Variants in CDH15 observed in about 807,000 individuals in gnomAD.
The protein encoded by CDH15 is cadherin 15.
Under a neutral mutation model 69.4 loss-of-function variants are expected in CDH15, and 73 were observed. That is an observed-to-expected ratio of 1.05 (90% confidence interval 0.87 to 1.28). The LOEUF (loss-of-function observed/expected upper bound fraction) is 1.28. Among genes scored for constraint, CDH15 ranks in the 50% most tolerant of loss-of-function variants. The pLI, the probability that CDH15 is intolerant of heterozygous loss-of-function variation, is 0.00. For missense variants in CDH15, 1,343 were observed against 1,133.6 expected (o/e 1.18, Z -2.65); for synonymous variants, 624 against 507.7 (o/e 1.23, Z -3.08).
Position 89,188,003 on chromosome 16 carries a change from G to T in CDH15, c.793-97G>T, listed in dbSNP as rs879553739. On this transcript the variant is annotated intron_variant, in intron 6 of 13. Coordinates refer to ENST00000289746, the MANE Select transcript of CDH15 (RefSeq NM_004933.3). ...GGTGTTCCTGCTGGGAGGCAGGAGGGAGGGTGGGAGGGGAGGGTGGGCTGA... is the reference window on the plus strand; with the variant it reads ...GGTGTTCCTGCTGGGAGGCAGGAGGTAGGGTGGGAGGGGAGGGTGGGCTGA... The T allele has an allele frequency of 1.2e-3, 1,260 of 1,033,026 alleles. 4 individuals carry two copies. Among genetic ancestry groups the T allele is most frequent in the Non-Finnish European group, 1.7e-3 (1,161 of 696,206 alleles). 64.0% of individuals were successfully genotyped at this position (1,033,026 alleles called of 1,614,324 possible).
At position 89,193,496 on chromosome 16, in the gene CDH15, G is replaced by A; in HGVS notation, c.1882G>A (p.Ala628Thr). The part of the protein sequence containing the change: ...LVLVLLVALR[A>T]RFWKQSRGKG... The stretch of plus-strand genomic sequence containing the variant: ...GCTGGTCCTGCTCGTGGCACTCCGG[G>A]CGCGGTTCTGGAAGCAGTCTCGGGG... Residue 628 changes from alanine (A) to threonine (T), a missense_variant, in exon 12 of 14, where the codon GCG (alanine) becomes ACG (threonine). Coordinates refer to ENST00000289746, the MANE Select transcript of CDH15 (RefSeq NM_004933.3). The A allele has an allele frequency of 6.2e-7, 1 of 1,611,796 alleles. No individual in the cohort carries two copies. The highest frequency in any genetic ancestry group is 8.5e-7 in the Non-Finnish European group (1 of 1,179,704).
intron 1 of CDH15, among the ~76,000 whole-genome samples, chr16:89,173,302 G>A (rs1201943928): frequency 1.3e-5 from 2 of 152,216 alleles, no homozygotes; most frequent in South Asian, 2.1e-4. Flanking sequence ...GTGGTGGGGA[G>A]GCTGGCGCCT....
At chr16:89,175,600 A>G (rs549299805) in intron 1 of CDH15, among the ~76,000 whole-genome samples, 2 of 152,280 alleles carry the variant, frequency 1.3e-5, no homozygotes, top group Non-Finnish European at 2.9e-5. Context: ...CTGCCCAGCC[A>G]CGGCCGGAAA....
intron 7 of CDH15, among the ~76,000 whole-genome samples, chr16:89,188,991 ACCCACACACAGATG>A (rs1272116898): frequency 9.9e-6 from 1 of 100,674 alleles, no homozygotes; most frequent in African/African-American, 3.9e-5. Flanking sequence ...ACACACAGAC[ACCCACACACAGATG>A]CCCACACACA....
rs759601590 is a variant in CDH15, at chr16:89,185,327, C to T, written c.657C>T (p.Asp219=). The T allele has an allele frequency of 1.2e-5, 19 of 1,601,168 alleles. No homozygotes were observed. The highest frequency in any genetic ancestry group is 4.3e-6 in the Non-Finnish European group (5 of 1,174,216). ...GEIRTVQVGL[D]REVVAVYNLT... Reference sequence around the variant, plus strand: ...TCCGCACAGTGCAAGTGGGGCTGGACCGCGAGGTGAGGTGGCGCCCCGGCA... The same window carrying T: ...TCCGCACAGTGCAAGTGGGGCTGGATCGCGAGGTGAGGTGGCGCCCCGGCA... The change falls in exon 5 of 14, where the codon GAC becomes GAT. Residue 219 remains aspartate (D), a synonymous_variant. Transcript: ENST00000289746.
chr16:89,185,004 C>G (rs1408398448), intron 4 of CDH15, among the ~76,000 whole-genome samples, 169 bp from the exon 5 acceptor site: 2 of 152,252 alleles, frequency 1.3e-5, no homozygotes, highest in Non-Finnish European at 2.9e-5. Flanking sequence ...TTGCCGCATG[C>G]TGGCCGCCTC....
chr16:89,193,702 C>G (rs952513233), intron 12 of CDH15, 53 bp from the exon 13 acceptor site: 3 of 1,581,342 alleles, frequency 1.9e-6, no homozygotes, highest in Non-Finnish European at 2.6e-6. Context: ...CCTGAGACCT[C>G]CACCAGGGCC....
intron 1 of CDH15, among the ~76,000 whole-genome samples, chr16:89,175,578 G>A (rs990401835): frequency 2.0e-5 from 3 of 152,222 alleles, no homozygotes; most frequent in Non-Finnish European, 4.4e-5. Context: ...AGGGGGAGAG[G>A]GAGGTGCAAA....
At chr16:89,177,521 C>G (rs1915284074) in intron 1 of CDH15, among the ~76,000 whole-genome samples, 1 of 152,198 alleles carries the variant, frequency 6.6e-6, no homozygotes, top group East Asian at 1.9e-4. Flanking sequence ...GCCTGGCGAC[C>G]CCCAGGACTA....
intron 7 of CDH15, among the ~76,000 whole-genome samples, chr16:89,188,744 G>GCACACACAGATGCC (rs568495835): frequency 9.0e-5 from 8 of 88,732 alleles, no homozygotes; most frequent in East Asian, 3.8e-4. Flanking sequence ...ACAGATGCCG[G>GCACACACAGATGCC]CACACACAGA....
intron 1 of CDH15, among the ~76,000 whole-genome samples, chr16:89,178,243 G>A (rs77381391): frequency 1.4e-3 from 212 of 152,210 alleles, no homozygotes; most frequent in African/African-American, 4.8e-3. Flanking sequence ...GGTCTTTACC[G>A]GCCTGAGGGT....
At chr16:89,190,191 G>T in intron 7 of CDH15, 52 bp from the exon 8 acceptor site, 1 of 1,594,970 alleles carries the variant, frequency 6.3e-7, no homozygotes, top group Non-Finnish European at 8.5e-7. Flanking sequence ...ACCTGCCCTC[G>T]GGTGCCCACA....
At chr16:89,174,033 C>T (rs1025413233) in intron 1 of CDH15, among the ~76,000 whole-genome samples, 8 of 152,190 alleles carry the variant, frequency 5.3e-5, no homozygotes, top group Admixed American at 3.3e-4. Flanking sequence ...GCTCTTAGCT[C>T]GGGTGACTGT....
chr16:89,192,297 C>T lies in CDH15; in HGVS notation c.1708C>T (p.Gln570Ter), dbSNP rs1028901306. 1.3e-6 allele frequency: 2 copies of T among 1,532,656 alleles called. No homozygotes were observed. Among genetic ancestry groups the T allele is most frequent in the Non-Finnish European group, 1.7e-6 (2 of 1,146,064 alleles). 94.9% of individuals were successfully genotyped at this position (1,532,656 alleles called of 1,614,324 possible). The change falls in exon 11 of 14, where the codon CAG becomes TAG. Residue 570 changes from glutamine to a stop codon, truncating the protein, a stop_gained. Coordinates refer to ENST00000289746, the MANE Select transcript of CDH15 (RefSeq NM_004933.3). LOFTEE classifies it high-confidence loss of function. ...LLRDSGQPPQ[Q>*]REQPLNVTVC... ...CCGGGACTCGGGGCAGCCGCCCCAG[C>T]AGCGCGAGCAGCCTCTGAACGTGAC...
At position 89,185,582 on chromosome 16, in the gene CDH15, C is replaced by T. The variant is rs921448311; in HGVS notation, c.663+249C>T. The stretch of plus-strand genomic sequence containing the variant: ...GTGAGGGGCCCGGCACAGGGCAGGG[C>T]TCCCCAAGCAGCCCCGCCCCTCTCA... On this transcript the variant is annotated intron_variant, in intron 5 of 13. Transcript: ENST00000289746. 5.3e-6 allele frequency: 3 copies of T among 571,140 alleles called. No individual in the cohort carries two copies. In the East Asian group the frequency reaches 9.0e-5, roughly 17 times the overall value. The allele number at this position is 571,140 out of a possible 1,614,324, so 35.4% of individuals were successfully genotyped here. A position where few individuals can be genotyped will look rare whatever the true frequency, so the allele number is the denominator to read the frequency against.
intron 7 of CDH15, among the ~76,000 whole-genome samples, chr16:89,189,037 GCACACACAGGTGCC>G: frequency 8.3e-6 from 1 of 120,224 alleles, no homozygotes; most frequent in East Asian, 2.6e-4. Context: ...ACAGATGTTG[GCACACACAGGTGCC>G]CACACACAGA....
intron 8 of CDH15, among the ~76,000 whole-genome samples, 195 bp from the exon 9 acceptor site, chr16:89,191,133 ATG>A (rs56851226): frequency 2.0e-5 from 3 of 151,256 alleles, no homozygotes; most frequent in Admixed American, 6.6e-5. Flanking sequence ...ATGCCCATGT[ATG>A]TGTATGTGGT....
At chr16:89,174,671 G>A (rs78799390) in intron 1 of CDH15, among the ~76,000 whole-genome samples, 18,169 of 152,222 alleles carry the variant, frequency 0.12, 1,571 homozygotes, top group Admixed American at 0.26. Context: ...CTTCGAGGTG[G>A]TTCCCTCCAG....
At position 89,185,242 on chromosome 16, in the gene CDH15, T is replaced by A; in HGVS notation, c.572T>A (p.Phe191Tyr). Reference protein sequence around the residue: ...DPETDNAALRFSILQQGSPEL... With the variant: ...DPETDNAALRYSILQQGSPEL... ...GAGACGGACAACGCAGCGCTGCGGT[T>A]CTCCATCCTGCAGCAGGGCAGCCCC... is the stretch of plus-strand genomic sequence containing the variant. Residue 191 changes from phenylalanine to tyrosine, a missense_variant, in exon 5 of 14, where the codon TTC (phenylalanine) becomes TAC (tyrosine). Phe to Tyr is a conservative substitution (Grantham distance 22). Coordinates refer to ENST00000289746, the MANE Select transcript of CDH15 (RefSeq NM_004933.3). The A allele has an allele frequency of 6.2e-7, 1 of 1,605,508 alleles. No individual in the cohort carries two copies. The highest frequency in any genetic ancestry group is 2.2e-5 in the East Asian group (1 of 44,570).
Sources: allele counts gnomAD v4.1 joint callset (sites outside exome capture counted in the v4.1 genomes callset), GRCh38; gene constraint gnomAD v4.1.1; transcripts MANE v1.5; gene names NCBI Gene and HGNC (gene_info 2026-07-23, HGNC 2026-07-21).